The following BCHE variants were observed in gnomAD, a reference collection of about 807,000 sequenced individuals.
The protein encoded by BCHE is butyrylcholinesterase.
A neutral mutation model predicts 51.3 loss-of-function variants in BCHE; 48 were observed. That is an observed-to-expected ratio of 0.94 (90% CI 0.74 to 1.19). The LOEUF (loss-of-function observed/expected upper bound fraction) is 1.19, where lower values mean the gene tolerates loss of function less well. Ranked by LOEUF, BCHE falls within the 50% of genes most tolerant of loss-of-function variation. BCHE has a pLI of 0.00. For synonymous variants in BCHE, 251 were observed against 238.0 expected, an observed-to-expected ratio of 1.05 and a Z score of -0.50; for missense variants, 847 against 708.2, an observed-to-expected ratio of 1.20 and a Z score of -2.23.
Position 165,830,371 on chromosome 3 carries a change from A to G in BCHE, c.663T>C (p.Thr221=), listed in dbSNP as rs1185176697. ...AAFGGNPKSV[T]LFGESAGAAS... is the part of the protein sequence containing the mutation. ...CTGCTCCTGCACTTTCTCCAAAGAG[A>G]GTTACACTTTTAGGATTTCCACCAA... The change falls in exon 2 of 4, where the codon ACT becomes ACC. Residue 221 remains threonine, a synonymous_variant. Coordinates refer to ENST00000264381, the MANE Select transcript of BCHE (RefSeq NM_000055.4). The G allele has an allele frequency of 5.0e-6, 8 of 1,613,860 alleles. No individual in the cohort carries two copies. In the South Asian group the frequency reaches 7.7e-5, roughly 16 times the overall value.
At chr3:165,828,171 T>C in intron 2 of BCHE, 1 of 430,684 alleles carries the variant, frequency 2.3e-6, no homozygotes, top group South Asian at 1.7e-5. Context: ...AAATGTTGCA[T>C]GAGATGTGTA....
intron 2 of BCHE, among the ~76,000 whole-genome samples, chr3:165,793,593 A>T (rs966279549): frequency 6.6e-6 from 1 of 152,216 alleles, no homozygotes; most frequent in Non-Finnish European, 1.5e-5. Flanking sequence ...TTCACAGTAA[A>T]TGTTCACATT....
chr3:165,810,506 A>G (rs1241670450), intron 2 of BCHE, among the ~76,000 whole-genome samples: 1 of 151,978 alleles, frequency 6.6e-6, no homozygotes, highest in Non-Finnish European at 1.5e-5. Context: ...TTATCTTTGG[A>G]TGTGTTATTT....
At chr3:165,837,176 T>A (rs1715218331) in intron 1 of BCHE, 138 bp downstream of exon 1, 2 of 424,198 alleles carry the variant, frequency 4.7e-6, no homozygotes, top group African/African-American at 4.2e-5. Flanking sequence ...TCTGTCCCAT[T>A]TGCAAGCTTC....
chr3:165,802,200 T>G (rs1669543951), intron 2 of BCHE, among the ~76,000 whole-genome samples: 1 of 152,216 alleles, frequency 6.6e-6, no homozygotes, highest in Non-Finnish European at 1.5e-5. Context: ...AGCGTATTTA[T>G]CCATTAATTT....
chr3:165,793,501 C>G lies in BCHE; in HGVS notation c.1518-7190G>C, dbSNP rs1713252301. 3.3e-5 allele frequency among the ~76,000 whole-genome samples: 5 copies of G among 152,080 alleles called. No homozygotes were observed. In the South Asian group the frequency reaches 8.3e-4, roughly 25 times the overall value. On this transcript the variant is annotated intron_variant, in intron 2 of 3. Coordinates refer to ENST00000264381, the MANE Select transcript of BCHE (RefSeq NM_000055.4). ...GCTTTGTTCACAGCCTGAAATTGTGCCTGACTCATAGTGTGCAGGCAAGAA... is the reference window on the plus strand; with the variant it reads ...GCTTTGTTCACAGCCTGAAATTGTGGCTGACTCATAGTGTGCAGGCAAGAA...
At chr3:165,777,874 T>C in intron 3 of BCHE, 1 of 356,598 alleles carries the variant, frequency 2.8e-6, no homozygotes, top group East Asian at 8.9e-5. Flanking sequence ...ATATATTTTC[T>C]CTCTTATGAT....
intron 2 of BCHE, among the ~76,000 whole-genome samples, chr3:165,826,833 T>A (rs1714739805): frequency 6.6e-6 from 1 of 152,252 alleles, no homozygotes; most frequent in Non-Finnish European, 1.5e-5. Flanking sequence ...CTTGGCATTA[T>A]TTACATTTTG....
chr3:165,823,422 T>C (rs942423057), intron 2 of BCHE, among the ~76,000 whole-genome samples: 13 of 152,050 alleles, frequency 8.5e-5, no homozygotes, highest in Non-Finnish European at 1.3e-4. Flanking sequence ...TAAACAATTA[T>C]AATACTGGAC....
chr3:165,796,756 C>T (rs1054697975), intron 2 of BCHE, among the ~76,000 whole-genome samples: 5 of 152,062 alleles, frequency 3.3e-5, no homozygotes, highest in Non-Finnish European at 5.9e-5. Context: ...TCACTAAAGT[C>T]GTTGGATAGA....
chr3:165,794,598 C>T (rs921219890), intron 2 of BCHE, among the ~76,000 whole-genome samples: 1 of 152,114 alleles, frequency 6.6e-6, no homozygotes, highest in African/African-American at 2.4e-5. Context: ...GATATAAGAG[C>T]ACTAATCTCA....
chr3:165,777,747 A>G, intron 3 of BCHE: 1 of 447,396 alleles, frequency 2.2e-6, no homozygotes, highest in Non-Finnish European at 4.5e-6. Context: ...CTGTCAATCC[A>G]GAGACAGCGA....
intron 2 of BCHE, among the ~76,000 whole-genome samples, chr3:165,790,513 A>T (rs1290256053): frequency 6.6e-6 from 1 of 152,192 alleles, no homozygotes; most frequent in Non-Finnish European, 1.5e-5. Context: ...TTCTATGAAT[A>T]GCTCTTCTGA....
intron 3 of BCHE, among the ~76,000 whole-genome samples, chr3:165,783,315 C>T (rs893718448): frequency 6.6e-6 from 1 of 151,990 alleles, no homozygotes; most frequent in Non-Finnish European, 1.5e-5. Flanking sequence ...TTAGGCTAGG[C>T]TTTGTGAAGA....
rs1057517439 is a variant in BCHE, at chr3:165,830,923, CT to C, written c.110del (p.Lys37ArgfsTer8). ...HTEDDIIIAT[K>X]NGKVRGMNLT... is the part of the protein sequence containing the mutation. Reference sequence around the variant, plus strand: ...AGTTCATCCCTCTGACTTTTCCATTCTTTGTTGCAATTATGATGTCATCTTC... The same window carrying C: ...AGTTCATCCCTCTGACTTTTCCATTCTTGTTGCAATTATGATGTCATCTTC... On this transcript the variant is annotated frameshift_variant, in exon 2 of 4. Coordinates refer to ENST00000264381, the MANE Select transcript of BCHE (RefSeq NM_000055.4). LOFTEE classifies it high-confidence loss of function. The C allele has an allele frequency of 6.2e-7, 1 of 1,613,902 alleles. No homozygotes were observed. The highest frequency in any genetic ancestry group is 8.5e-7 in the Non-Finnish European group (1 of 1,179,908).
intron 2 of BCHE, among the ~76,000 whole-genome samples, chr3:165,790,044 GGTGA>G (rs1478386132): frequency 6.6e-5 from 10 of 151,958 alleles, no homozygotes; most frequent in South Asian, 6.2e-4. Flanking sequence ...AGAAATGGCG[GGTGA>G]GTAAGTATCA....
chr3:165,800,501 G>T (rs952847312), intron 2 of BCHE, among the ~76,000 whole-genome samples: 2 of 151,926 alleles, frequency 1.3e-5, no homozygotes, highest in Non-Finnish European at 2.9e-5. Context: ...TTTACCCAGG[G>T]TTTCTCTGCT....
At chr3:165,824,878 T>G (rs1294155488) in intron 2 of BCHE, among the ~76,000 whole-genome samples, 1 of 152,042 alleles carries the variant, frequency 6.6e-6, no homozygotes, top group Non-Finnish European at 1.5e-5. Flanking sequence ...ATTCATGGAT[T>G]TAAAAGCAGT....
At chr3:165,775,380 T>C (rs1712427210) in intron 3 of BCHE, among the ~76,000 whole-genome samples, 1 of 151,826 alleles carries the variant, frequency 6.6e-6, no homozygotes, top group South Asian at 2.1e-4. Context: ...TTTTGGTGAA[T>C]AATAGAACTT....
Sources: allele counts gnomAD v4.1 joint callset (sites outside exome capture counted in the v4.1 genomes callset), GRCh38; gene constraint gnomAD v4.1.1; transcripts MANE v1.5; gene names NCBI Gene and HGNC (gene_info 2026-07-23, HGNC 2026-07-21).